The following ZNF735 variants were observed in gnomAD, a reference collection of about 807,000 sequenced individuals.
ZNF735 encodes the protein zinc finger protein 735.
A neutral mutation model predicts 13.4 loss-of-function variants in ZNF735; 11 were observed. The ratio of observed to expected loss-of-function variants is 0.82; its 90% CI spans 0.52 to 1.36. The LOEUF (loss-of-function observed/expected upper bound fraction) is 1.36. Ranked by LOEUF, ZNF735 falls within the 40% of genes most tolerant of loss-of-function variation. The probability of loss-of-function intolerance (pLI) is 0.00; values close to 1 mark genes in which losing one functional copy is unlikely to be tolerated. For missense variants in ZNF735, 500 were observed against 484.6 expected (o/e 1.03, Z -0.30); for synonymous variants, 171 against 162.6 (o/e 1.05, Z -0.39).
At chr7:64,217,767 A>G (rs546159297) in intron 3 of ZNF735, among the ~76,000 whole-genome samples, 63 of 151,438 alleles carry the variant, frequency 4.2e-4, no homozygotes, top group Non-Finnish European at 5.3e-4. Context: ...TACATTGGAG[A>G]TTTTATAAAA....
chr7:64,207,617 G>C (rs1449153708), intron 1 of ZNF735, among the ~76,000 whole-genome samples: 1 of 152,180 alleles, frequency 6.6e-6, no homozygotes, highest in Non-Finnish European at 1.5e-5. Flanking sequence ...GGGGTCCCTA[G>C]TTCCTCATTT....
intron 1 of ZNF735, among the ~76,000 whole-genome samples, chr7:64,209,804 C>A (rs1787335525): frequency 6.6e-6 from 1 of 152,084 alleles, no homozygotes; most frequent in Admixed American, 6.6e-5. Context: ...TAGTGATATA[C>A]ATTTTGTTCT....
At chr7:64,214,555 C>A (rs1257408977) in intron 3 of ZNF735, among the ~76,000 whole-genome samples, 1 of 151,894 alleles carries the variant, frequency 6.6e-6, no homozygotes, top group Admixed American at 6.6e-5. Context: ...TCTGTACATG[C>A]CATTCTGTTT....
exon 4 of ZNF735, chr7:64,219,793 A>C (rs1562834300): frequency 6.2e-7 from 1 of 1,612,562 alleles, no homozygotes; most frequent in Non-Finnish European, 8.5e-7. Context: ...GGAATGTGGC[A>C]AAGCCTTTAG....
chr7:64,209,351 C>CT (rs11361388), intron 1 of ZNF735, among the ~76,000 whole-genome samples: 3,878 of 143,450 alleles, frequency 0.027, 137 homozygotes, highest in East Asian at 0.12. Flanking sequence ...TTTTGTTGAA[C>CT]TTTTTTTTTT....
At chr7:64,215,887 T>C (rs568812987) in intron 3 of ZNF735, among the ~76,000 whole-genome samples, 1 of 152,322 alleles carries the variant, frequency 6.6e-6, no homozygotes, top group South Asian at 2.1e-4. Context: ...TATTTGTCTT[T>C]GTGTGAATAC....
intron 3 of ZNF735, among the ~76,000 whole-genome samples, 197 bp from the exon 4 acceptor site, chr7:64,219,113 CTTTA>C (rs1217251988): frequency 6.6e-5 from 10 of 152,134 alleles, no homozygotes; most frequent in African/African-American, 2.4e-4. Context: ...CACACACTTA[CTTTA>C]TTTATAAACT....
chr7:64,215,431 A>G (rs1368250447), intron 3 of ZNF735, among the ~76,000 whole-genome samples: 1 of 152,174 alleles, frequency 6.6e-6, no homozygotes, highest in Non-Finnish European at 1.5e-5. Context: ...TATTTTCAAT[A>G]TTAAGCCTTA....
chr7:64,217,089 A>G (rs566405031), intron 3 of ZNF735, among the ~76,000 whole-genome samples: 45 of 152,230 alleles, frequency 3.0e-4, no homozygotes, highest in African/African-American at 1.0e-3. Context: ...CCACTGTTGG[A>G]TGTGGGGCCT....
chr7:64,218,624 T>A (rs1237840978), intron 3 of ZNF735, among the ~76,000 whole-genome samples: 2 of 152,124 alleles, frequency 1.3e-5, no homozygotes, highest in East Asian at 1.9e-4. Flanking sequence ...ATATACATCT[T>A]TATTTTTATA....
At chr7:64,214,852 G>T (rs141722383) in intron 3 of ZNF735, among the ~76,000 whole-genome samples, 1 of 150,542 alleles carries the variant, frequency 6.6e-6, no homozygotes, top group African/African-American at 2.4e-5. Flanking sequence ...ACTTTCATAG[G>T]TTTCAATTTC....
intron 3 of ZNF735, among the ~76,000 whole-genome samples, chr7:64,215,465 T>G (rs1169022163): frequency 1.3e-5 from 2 of 152,250 alleles, no homozygotes; most frequent in African/African-American, 4.8e-5. Flanking sequence ...TCAAATATTG[T>G]CACCCATTTC....
In ZNF735 at chr7:64,211,655, G is replaced by A. The variant is rs186898757; in HGVS notation, c.40-1437G>A. Among the ~76,000 whole-genome samples the A allele has an allele frequency of 8.4e-3, 1,271 of 152,036 alleles. 18 individuals are homozygous for A. The highest frequency in any genetic ancestry group is 0.029 in the African/African-American group (1,187 of 41,458). On this transcript the variant is annotated intron_variant, in intron 1 of 3. Transcript: ENST00000429565. ...GGGGCAGGCAGATCACATGAGGTCAGGAGTTCGAGGCCCGCCTGGCCAACC... is the reference window on the plus strand; with the variant it reads ...GGGGCAGGCAGATCACATGAGGTCAAGAGTTCGAGGCCCGCCTGGCCAACC...
intron 3 of ZNF735, among the ~76,000 whole-genome samples, chr7:64,217,235 T>A (rs1165530242): frequency 9.2e-5 from 14 of 152,202 alleles, no homozygotes; most frequent in Non-Finnish European, 1.6e-4. Flanking sequence ...ACTCGCATCA[T>A]CTTTCACCAT....
chr7:64,207,599 T>C (rs1787304446), intron 1 of ZNF735, among the ~76,000 whole-genome samples: 1 of 152,228 alleles, frequency 6.6e-6, no homozygotes, highest in South Asian at 2.1e-4. Flanking sequence ...GTAAGAGCTG[T>C]GGTCCCTGGG....
intron 1 of ZNF735, among the ~76,000 whole-genome samples, chr7:64,208,181 C>G (rs1406401765): frequency 6.9e-6 from 1 of 145,924 alleles, no homozygotes; most frequent in African/African-American, 2.5e-5. Flanking sequence ...ATCAGAGATT[C>G]ATTGGCAGAT....
chr7:64,216,467 A>G (rs1787423762), intron 3 of ZNF735, among the ~76,000 whole-genome samples: 2 of 152,202 alleles, frequency 1.3e-5, no homozygotes, highest in African/African-American at 4.8e-5. Context: ...GTTAAATTAA[A>G]TTATTTGACC....
chr7:64,208,101 A>G (rs1330510674), intron 1 of ZNF735, among the ~76,000 whole-genome samples: 1 of 152,186 alleles, frequency 6.6e-6, no homozygotes, highest in Non-Finnish European at 1.5e-5. Flanking sequence ...ACCAAATGCA[A>G]TAATTGGTTT....
At chr7:64,217,240 C>T (rs1787433191) in intron 3 of ZNF735, among the ~76,000 whole-genome samples, 1 of 152,198 alleles carries the variant, frequency 6.6e-6, no homozygotes, top group Non-Finnish European at 1.5e-5. Context: ...CATCATCTTT[C>T]ACCATGTGAC....
Sources: gnomAD v4.1 joint callset for allele counts (sites outside exome capture counted in the v4.1 genomes callset) on GRCh38, gnomAD v4.1.1 for gene constraint, MANE v1.5 for transcripts, NCBI Gene and HGNC (gene_info 2026-07-23, HGNC 2026-07-21) for gene names.